Variants in TTC39C observed in about 807,000 individuals in gnomAD.
TTC39C encodes tetratricopeptide repeat protein 39C.
TTC39C carries 33 observed loss-of-function variants against 76.3 expected under a neutral mutation model. The ratio of observed to expected loss-of-function variants is 0.43; its 90% CI spans 0.33 to 0.58. TTC39C has a LOEUF of 0.58. TTC39C is among the 20% of genes least tolerant of loss of function. TTC39C has a pLI of 0.04. For missense variants in TTC39C, 595 were observed against 701.4 expected (o/e 0.85, Z 1.71); for synonymous variants, 254 against 260.6 (o/e 0.97, Z 0.24).
In TTC39C at chr18:24,118,289, A is replaced by G. The variant is rs1045855220; in HGVS notation, c.1186+57A>G. On this transcript the variant is annotated intron_variant, in intron 8 of 13. Coordinates refer to ENST00000317571, the MANE Select transcript of TTC39C (RefSeq NM_001135993.2). ...TCTCTGTCGTGAATTAGCTCGCCTGACGTGGGCAGATGGGAGAATGATGGC... is the reference window on the plus strand; with the variant it reads ...TCTCTGTCGTGAATTAGCTCGCCTGGCGTGGGCAGATGGGAGAATGATGGC... 11 of 1,392,888 alleles carry G rather than the reference A, an allele frequency of 7.9e-6. No homozygotes were observed. The Admixed American group carries it at 2.0e-4, about 26-fold the overall frequency. 86.3% of individuals were successfully genotyped at this position (1,392,888 alleles called of 1,614,324 possible). A position where few individuals can be genotyped will look rare whatever the true frequency, so the allele number is the denominator to read the frequency against.
At chr18:24,034,647 C>T (rs2083712030) in intron 1 of TTC39C, among the ~76,000 whole-genome samples, 1 of 15,168 alleles carries the variant, frequency 6.6e-5, no homozygotes, top group Non-Finnish European at 3.3e-4. Flanking sequence ...CCCATTTCTC[C>T]CTAGCCCCAG....
At chr18:24,081,026 G>C in intron 5 of TTC39C, 87 bp downstream of exon 5, 1 of 1,268,438 alleles carries the variant, frequency 7.9e-7, no homozygotes, top group Non-Finnish European at 1.1e-6. Context: ...GGAAACTTCA[G>C]GTAAAATGTT....
rs1182625147 is a variant in TTC39C at position 24,134,257 on chromosome 18, G to GTTTTTTTTTTTT, written c.*1689_*1690insTTTTTTTTTTTT. On this transcript the variant is annotated 3_prime_UTR_variant, in exon 14 of 14. Transcript: ENST00000317571. ...TGGTGCCCAAAAATATTGGACATCT[G>GTTTTTTTTTTTT]TTTTTTGTTTTTTTTTTTTTTTTTT... 6.0e-4 allele frequency: 29 copies of GTTTTTTTTTTTT among 48,686 alleles called. 10 individuals carry two copies. Among genetic ancestry groups the GTTTTTTTTTTTT allele is most frequent in the African/African-American group, 9.0e-4 (15 of 16,712 alleles). The allele number at this position is 48,686 out of a possible 1,614,324, so 3.0% of individuals were successfully genotyped here.
At chr18:24,051,292 G>A (rs974279383) in intron 1 of TTC39C, among the ~76,000 whole-genome samples, 10 of 152,178 alleles carry the variant, frequency 6.6e-5, no homozygotes, top group Non-Finnish European at 1.2e-4. Context: ...ACCAGCCAGC[G>A]TATTACGAAG....
intron 1 of TTC39C, among the ~76,000 whole-genome samples, chr18:24,036,728 C>A (rs932712054): frequency 1.3e-5 from 2 of 152,114 alleles, no homozygotes; most frequent in East Asian, 1.9e-4. Flanking sequence ...TCTCCCCAGG[C>A]TCAGGTGATT....
At chr18:24,092,966 G>C (rs898849529) in intron 6 of TTC39C, among the ~76,000 whole-genome samples, 8 of 152,190 alleles carry the variant, frequency 5.3e-5, no homozygotes, top group Non-Finnish European at 1.2e-4. Context: ...TCTTTGGAAG[G>C]CTGAGGTGGG....
chr18:23,998,135 A>T (rs915165880), intron 1 of TTC39C, among the ~76,000 whole-genome samples: 2 of 152,130 alleles, frequency 1.3e-5, no homozygotes, highest in Admixed American at 6.5e-5. Context: ...AACAAGTTAG[A>T]GGTTATTATA....
At chr18:24,088,090 GAA>G (rs2084468246) in intron 6 of TTC39C, among the ~76,000 whole-genome samples, 1 of 152,156 alleles carries the variant, frequency 6.6e-6, no homozygotes, top group Non-Finnish European at 1.5e-5. Context: ...CAGTTCCAAA[GAA>G]GAAGTTGTAA....
chr18:24,065,841 A>G (rs2084159043), intron 2 of TTC39C, among the ~76,000 whole-genome samples, 171 bp from the exon 3 acceptor site: 1 of 152,242 alleles, frequency 6.6e-6, no homozygotes, highest in Non-Finnish European at 1.5e-5. Context: ...GTCTTATTTC[A>G]TGTTGAGATT....
At chr18:24,123,385 T>TG (rs2085000491) in intron 8 of TTC39C, among the ~76,000 whole-genome samples, 1 of 139,070 alleles carries the variant, frequency 7.2e-6, no homozygotes, top group African/African-American at 3.2e-5. Flanking sequence ...ACAGTCTTTT[T>TG]TTTGTTTGTT....
At chr18:24,106,069 C>T (rs369182338) in intron 6 of TTC39C, among the ~76,000 whole-genome samples, 1 of 152,246 alleles carries the variant, frequency 6.6e-6, no homozygotes, top group East Asian at 1.9e-4. Flanking sequence ...ACCCACCCTA[C>T]TCCAGTGTGA....
chr18:24,131,962 TC>T, intron 13 of TTC39C, 42 bp downstream of exon 13: 1 of 1,577,254 alleles, frequency 6.3e-7, no homozygotes, highest in Non-Finnish European at 8.7e-7. Flanking sequence ...GCCCTTCTTA[TC>T]CCATACACTG....
At chr18:23,998,630 A>C (rs2083287860) in intron 1 of TTC39C, among the ~76,000 whole-genome samples, 1 of 152,102 alleles carries the variant, frequency 6.6e-6, no homozygotes, top group South Asian at 2.1e-4. Flanking sequence ...AATAATAATA[A>C]TACAAATTAG....
chr18:24,085,473 A>G (rs2084427775), intron 6 of TTC39C, among the ~76,000 whole-genome samples: 1 of 152,236 alleles, frequency 6.6e-6, no homozygotes, highest in African/African-American at 2.4e-5. Flanking sequence ...TCTTACTTTG[A>G]CATGGTTTTA....
At chr18:24,045,131 C>T (rs547726026) in intron 1 of TTC39C, among the ~76,000 whole-genome samples, 66 of 152,076 alleles carry the variant, frequency 4.3e-4, no homozygotes, top group Non-Finnish European at 2.1e-4. Context: ...TAGCCAGACA[C>T]GGTGGCACAC....
intron 1 of TTC39C, chr18:24,006,420 A>G (rs1292053875): frequency 6.6e-6 from 1 of 152,010 alleles, no homozygotes; most frequent in Non-Finnish European, 1.5e-5. Flanking sequence ...TTTCTAATTT[A>G]CCTCCTGCAA....
chr18:24,098,486 CT>C, intron 6 of TTC39C, among the ~76,000 whole-genome samples: 1 of 93,244 alleles, frequency 1.1e-5, no homozygotes, highest in African/African-American at 5.8e-5. Flanking sequence ...TCTCCCTTCC[CT>C]CTCCTCTCCT....
At chr18:24,066,293 G>A (rs2084165944) in intron 3 of TTC39C, among the ~76,000 whole-genome samples, 153 bp downstream of exon 3, 1 of 152,106 alleles carries the variant, frequency 6.6e-6, no homozygotes, top group South Asian at 2.1e-4. Flanking sequence ...TATATAAAAT[G>A]TTATCTCTTA....
Position 24,114,751 on chromosome 18 carries a change from T to C in TTC39C, c.1078+104T>C. ...TGTGTCTACAAAATGCTTGGTGCCT[T>C]CTGTAGTAAGAAGGACTTCAGTTAT... On this transcript the variant is annotated intron_variant, in intron 7 of 13. Coordinates refer to ENST00000317571, the MANE Select transcript of TTC39C (RefSeq NM_001135993.2). The C allele has an allele frequency of 3.8e-6, 3 of 783,714 alleles. No homozygotes were observed. In the South Asian group the frequency reaches 4.9e-5, roughly 13 times the overall value. 48.5% of individuals were successfully genotyped at this position (783,714 alleles called of 1,614,324 possible).
Sources: allele counts gnomAD v4.1 joint callset (sites outside exome capture counted in the v4.1 genomes callset), GRCh38; gene constraint gnomAD v4.1.1; transcripts MANE v1.5; gene names NCBI Gene and HGNC (gene_info 2026-07-23, HGNC 2026-07-21).